KCNJ6: variants seen among roughly 807,000 people sequenced by gnomAD.
KCNJ6 encodes the protein G protein-activated inward rectifier potassium channel 2.
In KCNJ6, 9 loss-of-function variants were observed where a neutral mutation model predicts 34.2. That is an observed-to-expected ratio of 0.26 (90% CI 0.16 to 0.46). The LOEUF is 0.46. Ranked by LOEUF, KCNJ6 falls within the 20% of genes least tolerant of loss-of-function variation. The probability of loss-of-function intolerance (pLI) is 1.00; values close to 1 mark genes in which losing one functional copy is unlikely to be tolerated. For missense variants in KCNJ6, 236 were observed against 531.3 expected, an observed-to-expected ratio of 0.44 and a Z score of 5.46; for synonymous variants, 196 against 207.1, an observed-to-expected ratio of 0.95 and a Z score of 0.46.
At chr21:37,683,334 C>T (rs2054598487) in intron 3 of KCNJ6, among the ~76,000 whole-genome samples, 1 of 152,112 alleles carries the variant, frequency 6.6e-6, no homozygotes, top group South Asian at 2.1e-4. Context: ...GGAAGAAGCC[C>T]CCCTTTCTGG....
intron 3 of KCNJ6, among the ~76,000 whole-genome samples, chr21:37,688,382 A>ATTT (rs762177750): frequency 0.32 from 46,723 of 147,952 alleles, 7,335 homozygotes; most frequent in Middle Eastern, 0.36. Context: ...TTTTTTTTTA[A>ATTT]AAAATCTACT....
intron 2 of KCNJ6, among the ~76,000 whole-genome samples, chr21:37,837,765 T>G (rs2055459333): frequency 6.6e-6 from 1 of 152,274 alleles, no homozygotes; most frequent in Non-Finnish European, 1.5e-5. Flanking sequence ...CCCATCAATT[T>G]TATTGTGTGG....
At chr21:37,733,629 A>G (rs1423178434) in intron 2 of KCNJ6, among the ~76,000 whole-genome samples, 1 of 152,220 alleles carries the variant, frequency 6.6e-6, no homozygotes, top group Non-Finnish European at 1.5e-5. Flanking sequence ...ATAAAATAAG[A>G]AATTTCTTTT....
intron 2 of KCNJ6, among the ~76,000 whole-genome samples, chr21:37,731,117 G>GTA (rs200192377): frequency 0.36 from 55,082 of 151,784 alleles, 10,819 homozygotes; most frequent in Admixed American, 0.46. Context: ...GTGTGTGTGT[G>GTA]TGTGTGTGTG....
At chr21:37,870,587 A>ATTTTTTTTTTTTT (rs201091934) in intron 1 of KCNJ6, among the ~76,000 whole-genome samples, 3 of 147,992 alleles carry the variant, frequency 2.0e-5, no homozygotes, top group Non-Finnish European at 3.0e-5. Flanking sequence ...AACAATTCAA[A>ATTTTTTTTTTTTT]ATTTTGTTTT....
intron 1 of KCNJ6, among the ~76,000 whole-genome samples, chr21:37,892,293 C>G (rs966846843): frequency 2.0e-5 from 3 of 152,208 alleles, no homozygotes; most frequent in African/African-American, 7.2e-5. Context: ...CTGGGCACAG[C>G]CATTTCTTCT....
At chr21:37,912,003 C>A (rs1247732200) in intron 1 of KCNJ6, among the ~76,000 whole-genome samples, 1 of 152,064 alleles carries the variant, frequency 6.6e-6, no homozygotes, top group Non-Finnish European at 1.5e-5. Flanking sequence ...GAGTTAAAAG[C>A]CCTTCTATAT....
intron 1 of KCNJ6, among the ~76,000 whole-genome samples, chr21:37,879,714 A>AGTGT (rs56736533): frequency 0.04 from 5,768 of 143,274 alleles, 142 homozygotes; most frequent in Non-Finnish European, 0.053. Context: ...CTTGAAATGA[A>AGTGT]GTGTGTGTGT....
chr21:37,835,776 G>A (rs1601493929), intron 2 of KCNJ6, among the ~76,000 whole-genome samples: 1 of 152,088 alleles, frequency 6.6e-6, no homozygotes, highest in East Asian at 1.9e-4. Context: ...GTGGTAAAGT[G>A]CTGGTTACCA....
intron 2 of KCNJ6, among the ~76,000 whole-genome samples, chr21:37,731,894 C>T (rs542937638): frequency 6.6e-6 from 1 of 152,258 alleles, no homozygotes; most frequent in Admixed American, 6.5e-5. Flanking sequence ...CAAGGTGGTG[C>T]ATTCAGCAAG....
rs1042634300 is a variant in KCNJ6 at position 37,617,006 on chromosome 21, T to C, written c.*8153A>G. The C allele has an allele frequency of 3.9e-5, 3 of 76,996 alleles. No individual in the cohort carries two copies. The highest frequency in any genetic ancestry group is 1.6e-4 in the African/African-American group (3 of 18,694). The allele number at this position is 76,996 out of a possible 1,614,324, so 4.8% of individuals were successfully genotyped here. A position where few individuals can be genotyped will look rare whatever the true frequency, so the allele number is the denominator to read the frequency against. ...TTTTCTCTTTCTTTCTTTCTCTTTC[T>C]TTTCTCTTTCTTTCTTTCTTTCTTT... On this transcript the variant is annotated 3_prime_UTR_variant, in exon 4 of 4. Transcript: ENST00000609713.
intron 2 of KCNJ6, among the ~76,000 whole-genome samples, chr21:37,796,290 T>C (rs1383979443): frequency 6.6e-6 from 1 of 152,162 alleles, no homozygotes; most frequent in African/African-American, 2.4e-5. Context: ...GCTTGGTGTG[T>C]TGGAAACAAA....
At chr21:37,689,799 C>T (rs1409483574) in intron 3 of KCNJ6, among the ~76,000 whole-genome samples, 10 of 151,808 alleles carry the variant, frequency 6.6e-5, no homozygotes, top group Non-Finnish European at 1.0e-4. Context: ...GTGCAAGGGA[C>T]GTGGTGGGCT....
At chr21:37,661,094 C>A (rs1271424996) in intron 3 of KCNJ6, among the ~76,000 whole-genome samples, 2 of 152,176 alleles carry the variant, frequency 1.3e-5, no homozygotes, top group Admixed American at 6.5e-5. Flanking sequence ...TTCATACTAT[C>A]TCTATGTTTC....
chr21:37,901,269 T>C (rs150748154), intron 1 of KCNJ6, among the ~76,000 whole-genome samples: 77 of 152,358 alleles, frequency 5.1e-4, no homozygotes, highest in African/African-American at 1.8e-3. Flanking sequence ...AGAGCTCAAA[T>C]TGGGAAGTTA....
At chr21:37,804,818 A>G (rs576961504) in intron 2 of KCNJ6, among the ~76,000 whole-genome samples, 1 of 152,290 alleles carries the variant, frequency 6.6e-6, no homozygotes, top group East Asian at 1.9e-4. Context: ...TACCCAGTCT[A>G]TCATTGATGG....
intron 1 of KCNJ6, among the ~76,000 whole-genome samples, chr21:37,880,051 G>A (rs1006724934): frequency 3.3e-5 from 5 of 150,296 alleles, no homozygotes; most frequent in African/African-American, 9.8e-5. Context: ...TTGAGGTCAG[G>A]AAGTCGAGAC....
At chr21:37,779,242 C>T (rs1206337590) in intron 2 of KCNJ6, among the ~76,000 whole-genome samples, 1 of 152,114 alleles carries the variant, frequency 6.6e-6, no homozygotes, top group Non-Finnish European at 1.5e-5. Context: ...GAGGTGTGCA[C>T]AGGACCTCCT....
At chr21:37,871,081 C>T (rs982780292) in intron 1 of KCNJ6, among the ~76,000 whole-genome samples, 2 of 152,116 alleles carry the variant, frequency 1.3e-5, no homozygotes, top group African/African-American at 4.8e-5. Flanking sequence ...ATTCCCTCCT[C>T]TTGATGTTGA....
Sources: allele counts gnomAD v4.1 joint callset (sites outside exome capture counted in the v4.1 genomes callset), GRCh38; gene constraint gnomAD v4.1.1; transcripts MANE v1.5; gene names NCBI Gene and HGNC (gene_info 2026-07-23, HGNC 2026-07-21).